NRG1: variants seen among roughly 807,000 people sequenced by gnomAD.
NRG1 encodes the protein pro-neuregulin-1, membrane-bound isoform.
In NRG1, 18 loss-of-function variants were observed where a neutral mutation model predicts 63.8. The ratio of observed to expected loss-of-function variants is 0.28; its 90% confidence interval spans 0.19 to 0.42. The LOEUF (loss-of-function observed/expected upper bound fraction) is 0.42, where lower values mean the gene tolerates loss of function less well. Ranked by LOEUF, NRG1 falls within the 10% of genes least tolerant of loss-of-function variation. NRG1 has a pLI of 1.00. For synonymous variants in NRG1, 302 were observed against 301.3 expected, an observed-to-expected ratio of 1.00 and a Z score of -0.02; for missense variants, 762 against 814.7, an observed-to-expected ratio of 0.94 and a Z score of 0.79.
chr8:31,746,613 A>C (rs1417131812), intron 1 of NRG1, among the ~76,000 whole-genome samples: 1 of 151,988 alleles, frequency 6.6e-6, no homozygotes, highest in East Asian at 1.9e-4. Context: ...TCTTCAAAAA[A>C]CTAAAAATAG....
rs1371034065 is a variant in NRG1, at chr8:31,974,386, T to TCTC, written c.37+334956_37+334958dup. On this transcript the variant is annotated intron_variant, in intron 1 of 10. Coordinates refer to the NRG1 transcript ENST00000519301. ...TATTTACCTATGTTGCCCAAGCTGA[T>TCTC]CTCAGACTCCTGGCCTCAAGTGATC... Among the ~76,000 whole-genome samples the TCTC allele has an allele frequency of 3.3e-5, 5 of 152,244 alleles. No individual in the cohort carries two copies. The East Asian group carries it at 7.7e-4, about 24-fold the overall frequency.
chr8:32,271,125 C>T (rs1314465801), intron 1 of NRG1, among the ~76,000 whole-genome samples: 2 of 152,020 alleles, frequency 1.3e-5, no homozygotes, highest in Non-Finnish European at 2.9e-5. Context: ...CCTTTTCAGC[C>T]CTGCTTCAGC....
In NRG1 at chr8:32,552,761, T is replaced by G. The variant is rs556350327; in HGVS notation, c.100+3935T>G. 1.6e-4 allele frequency among the ~76,000 whole-genome samples: 24 copies of G among 152,226 alleles called. 1 individual carries two copies. The South Asian group carries it at 5.0e-3, about 32-fold the overall frequency. ...TAGCAGGAAGAGCGGAAGAAAGTTG[T>G]ATATTCAGACATGAATACTTCTCAT... On this transcript the variant is annotated intron_variant, in intron 1 of 11. Transcript: ENST00000356819.
At chr8:32,311,169 A>G (rs1856767579) in intron 1 of NRG1, among the ~76,000 whole-genome samples, 1 of 152,136 alleles carries the variant, frequency 6.6e-6, no homozygotes, top group South Asian at 2.1e-4. Context: ...GACGTATTGG[A>G]TTACTATTAT....
chr8:32,708,875 C>T (rs181098615), intron 5 of NRG1, among the ~76,000 whole-genome samples: 5 of 152,284 alleles, frequency 3.3e-5, no homozygotes, highest in South Asian at 4.1e-4. Flanking sequence ...GAAGTCATTA[C>T]CCCGGGACAG....
chr8:32,695,844 A>G (rs1315362965), intron 5 of NRG1, among the ~76,000 whole-genome samples: 2 of 152,234 alleles, frequency 1.3e-5, no homozygotes, highest in African/African-American at 2.4e-5. Flanking sequence ...TTATCAAACT[A>G]TATTATCCAA....
intron 1 of NRG1, among the ~76,000 whole-genome samples, chr8:32,153,159 G>A (rs1837684490): frequency 6.6e-6 from 1 of 152,124 alleles, no homozygotes; most frequent in African/African-American, 2.4e-5. Flanking sequence ...ATCAAAGTGG[G>A]TCAGAGGTAG....
In NRG1 at chr8:32,090,629, A is replaced by T. The variant is rs77977881; in HGVS notation, c.37+451198A>T. On this transcript the variant is annotated intron_variant, in intron 1 of 10. Coordinates refer to the NRG1 transcript ENST00000519301. Reference sequence around the variant, plus strand: ...AGCCACTGCACCGGTCCAGGACAAGAATATTTTTGAAACTATGAGCTTTAT... The same window carrying T: ...AGCCACTGCACCGGTCCAGGACAAGTATATTTTTGAAACTATGAGCTTTAT... Among the ~76,000 whole-genome samples, 3 of 152,256 alleles carry T rather than the reference A, an allele frequency of 2.0e-5. No individual in the cohort carries two copies. In the South Asian group the frequency reaches 6.2e-4, roughly 32 times the overall value.
At chr8:32,739,700 A>G (rs561674345) in intron 6 of NRG1, among the ~76,000 whole-genome samples, 1 of 152,160 alleles carries the variant, frequency 6.6e-6, no homozygotes, top group Non-Finnish European at 1.5e-5. Context: ...CAATTTCCTT[A>G]TAAATGCCTT....
At chr8:32,281,633 A>G (rs1488287933) in intron 1 of NRG1, among the ~76,000 whole-genome samples, 15 of 152,064 alleles carry the variant, frequency 9.9e-5, no homozygotes, top group Admixed American at 9.2e-4. Flanking sequence ...CTGTTCTTGC[A>G]TTAATTCGTT....
chr8:31,890,385 C>G (rs566786286), intron 1 of NRG1, among the ~76,000 whole-genome samples: 1 of 151,742 alleles, frequency 6.6e-6, no homozygotes, highest in Non-Finnish European at 1.5e-5. Context: ...GTTTAATTAA[C>G]AAAATTGTTG....
intron 5 of NRG1, among the ~76,000 whole-genome samples, chr8:32,707,417 C>G (rs1816706635): frequency 6.6e-6 from 1 of 151,950 alleles, no homozygotes; most frequent in Non-Finnish European, 1.5e-5. Context: ...TAGCAAAATG[C>G]CTTCTCAGAA....
intron 1 of NRG1, among the ~76,000 whole-genome samples, chr8:32,205,333 AT>A (rs1226531608): frequency 1.3e-5 from 2 of 152,122 alleles, no homozygotes; most frequent in Non-Finnish European, 2.9e-5. Flanking sequence ...CTCAATGCTC[AT>A]TTTTTTCCCC....
At chr8:31,653,460 G>T (rs1387861936) in intron 1 of NRG1, among the ~76,000 whole-genome samples, 3 of 152,150 alleles carry the variant, frequency 2.0e-5, no homozygotes, top group Non-Finnish European at 4.4e-5. Context: ...AATAAAATCT[G>T]CACTAACTAA....
intron 1 of NRG1, among the ~76,000 whole-genome samples, chr8:31,726,833 C>G (rs2131333907): frequency 6.6e-6 from 1 of 152,048 alleles, no homozygotes; most frequent in Admixed American, 6.6e-5. Context: ...ACAGGATGCC[C>G]CAGGGAGTGG....
At chr8:31,745,594 C>T (rs1352450288) in intron 1 of NRG1, among the ~76,000 whole-genome samples, 3 of 151,854 alleles carry the variant, frequency 2.0e-5, no homozygotes, top group East Asian at 1.9e-4. Flanking sequence ...GAAACATCAT[C>T]GTCTTGACCA....
intron 1 of NRG1, among the ~76,000 whole-genome samples, chr8:31,851,451 A>G (rs1163732332): frequency 6.6e-6 from 1 of 152,114 alleles, no homozygotes; most frequent in Non-Finnish European, 1.5e-5. Flanking sequence ...TATTCTTTCT[A>G]TTGTTTTGAT....
intron 1 of NRG1, 35 bp downstream of exon 1, chr8:32,548,861 T>C (rs1271500802): frequency 6.6e-7 from 1 of 1,518,226 alleles, no homozygotes; most frequent in Non-Finnish European, 8.8e-7. Flanking sequence ...CCCACGATCC[T>C]CCTCCTGCTC....
At chr8:32,400,424 T>C (rs1813025393) in intron 1 of NRG1, among the ~76,000 whole-genome samples, 1 of 152,104 alleles carries the variant, frequency 6.6e-6, no homozygotes, top group Admixed American at 6.6e-5. Flanking sequence ...ATATCCAGAA[T>C]CTATAAGGCA....
Sources: allele counts gnomAD v4.1 joint callset (sites outside exome capture counted in the v4.1 genomes callset), GRCh38; gene constraint gnomAD v4.1.1; transcripts MANE v1.5; gene names NCBI Gene and HGNC (gene_info 2026-07-23, HGNC 2026-07-21).